WASL: variants seen among roughly 807,000 people sequenced by gnomAD.
WASL encodes the protein actin nucleation-promoting factor WASL.
In WASL, 20 loss-of-function variants were observed where a neutral mutation model predicts 55.5. That is an observed-to-expected ratio of 0.36 (90% CI 0.25 to 0.52). The LOEUF (loss-of-function observed/expected upper bound fraction) is 0.52, where lower values mean the gene tolerates loss of function less well. WASL is among the 20% of genes least tolerant of loss of function. The pLI, the probability that WASL is intolerant of heterozygous loss-of-function variation, is 0.92. For synonymous variants in WASL, 249 were observed against 217.6 expected, an observed-to-expected ratio of 1.14 and a Z score of -1.27; for missense variants, 504 against 622.5, an observed-to-expected ratio of 0.81 and a Z score of 2.03.
At chr7:123,735,357 A>C (rs1804207878) in intron 1 of WASL, among the ~76,000 whole-genome samples, 1 of 148,976 alleles carries the variant, frequency 6.7e-6, no homozygotes, top group African/African-American at 2.5e-5. Flanking sequence ...TCTGGCATTC[A>C]ATCAAAAGTT....
rs532047540 is a variant in WASL at position 123,748,636 on chromosome 7, G to C, written c.99C>G (p.Phe33Leu). The C allele has an allele frequency of 6.2e-7, 1 of 1,613,638 alleles. No homozygotes were observed. Among genetic ancestry groups the C allele is most frequent in the South Asian group, 1.1e-5 (1 of 91,054 alleles). Residue 33 changes from phenylalanine to leucine, a missense_variant, in exon 1 of 11, where the codon TTC becomes TTG. Around this residue, in one of 5 missense-constraint regions of WASL, gnomAD observed 230 missense variants for 271.9 expected, o/e 0.85. Coordinates refer to ENST00000223023, the MANE Select transcript of WASL (RefSeq NM_003941.4). ...CACTGACCACACATTTCTTGCCGAGGAAAGTGAAGAGGGACTCGTTCTCCT... is the reference window on the plus strand; with the variant it reads ...CACTGACCACACATTTCTTGCCGAGCAAAGTGAAGAGGGACTCGTTCTCCT... ...TPQENESLFT[F>L]LGKKCVTMSS...
At position 123,748,857 on chromosome 7, in the gene WASL, C is replaced by T. The variant is rs1314258066; in HGVS notation, c.-123G>A. On this transcript the variant is annotated 5_prime_UTR_variant, in exon 1 of 11. Coordinates refer to ENST00000223023, the MANE Select transcript of WASL (RefSeq NM_003941.4). The stretch of plus-strand genomic sequence containing the variant: ...GTCAGAGGCGCCACATCTCGCAGCT[C>T]CTCCGGAGCGGGGAGGAGGACGAGG... 2 of 773,616 alleles carry T rather than the reference C, an allele frequency of 2.6e-6. No homozygotes were observed. The highest frequency in any genetic ancestry group is 3.7e-5 in the African/African-American group (2 of 54,578). The allele number at this position is 773,616 out of a possible 1,614,324, so 47.9% of individuals were successfully genotyped here.
chr7:123,709,343 A>G (rs1465670474), intron 1 of WASL, 120 bp from the exon 2 acceptor site: 9 of 709,134 alleles, frequency 1.3e-5, no homozygotes, highest in Non-Finnish European at 1.9e-5. Context: ...TGATTCACAG[A>G]AACAAGGAAA....
At chr7:123,727,276 T>C (rs1304587030) in intron 1 of WASL, among the ~76,000 whole-genome samples, 2 of 151,932 alleles carry the variant, frequency 1.3e-5, no homozygotes, top group East Asian at 3.9e-4. Flanking sequence ...TGAAAGTTTC[T>C]TATAAAAATA....
chr7:123,691,465 T>C (rs1231074338), intron 9 of WASL, among the ~76,000 whole-genome samples: 2 of 152,200 alleles, frequency 1.3e-5, no homozygotes, highest in East Asian at 3.8e-4. Flanking sequence ...AAGAGTATTT[T>C]TGATATGTGA....
chr7:123,743,310 C>G (rs567087571), intron 1 of WASL, among the ~76,000 whole-genome samples: 22 of 144,956 alleles, frequency 1.5e-4, no homozygotes, highest in African/African-American at 5.2e-4. Context: ...GCACTCCCGC[C>G]TTGGCGACAA....
At chr7:123,742,735 T>A (rs976552495) in intron 1 of WASL, among the ~76,000 whole-genome samples, 3 of 152,226 alleles carry the variant, frequency 2.0e-5, no homozygotes, top group Admixed American at 2.0e-4. Flanking sequence ...TAATGCTTTT[T>A]TATTCTGTTC....
At chr7:123,698,405 C>T (rs1233169098) in intron 5 of WASL, among the ~76,000 whole-genome samples, 1 of 151,274 alleles carries the variant, frequency 6.6e-6, no homozygotes, top group Non-Finnish European at 1.5e-5. Context: ...CTATTTTCTC[C>T]CAACTCTACT....
chr7:123,748,507 G>C (rs1804481190), intron 1 of WASL, 111 bp downstream of exon 1: 5 of 1,133,072 alleles, frequency 4.4e-6, no homozygotes, highest in Middle Eastern at 2.6e-4. Flanking sequence ...GGGCTGGCGG[G>C]AGGCCTGGCC....
chr7:123,744,613 A>C (rs1036049344), intron 1 of WASL, among the ~76,000 whole-genome samples: 2 of 152,182 alleles, frequency 1.3e-5, no homozygotes, highest in Non-Finnish European at 2.9e-5. Flanking sequence ...TGGCAGGGAA[A>C]GATAATGCTC....
At position 123,692,587 on chromosome 7, in the gene WASL, C is replaced by T. The variant is rs753301742; in HGVS notation, c.1107G>A (p.Gly369=). 4 of 1,610,984 alleles carry T rather than the reference C, an allele frequency of 2.5e-6. No individual in the cohort carries two copies. Among genetic ancestry groups the T allele is most frequent in the Admixed American group, 1.7e-5 (1 of 59,480 alleles). Reference sequence around the variant, plus strand: ...GAGGCGGTGGGGGTGGTGCCACTGGCCCTACCCCCAACACAGATGGAGGTG... The same window carrying T: ...GAGGCGGTGGGGGTGGTGCCACTGGTCCTACCCCCAACACAGATGGAGGTG... The part of the protein sequence containing the change: ...PPPPPSVLGV[G]PVAPPPPPPP... The change falls in exon 9 of 11, where the codon GGG becomes GGA. Residue 369 remains glycine, a synonymous_variant. Transcript: ENST00000223023.
chr7:123,729,445 ATTT>A (rs1481264444), intron 1 of WASL, among the ~76,000 whole-genome samples: 1 of 152,284 alleles, frequency 6.6e-6, no homozygotes, highest in Admixed American at 6.5e-5. Flanking sequence ...AAGACACAGT[ATTT>A]TTTAAGTAAG....
At chr7:123,707,315 C>T (rs1754859065) in intron 2 of WASL, among the ~76,000 whole-genome samples, 1 of 152,140 alleles carries the variant, frequency 6.6e-6, no homozygotes, top group Non-Finnish European at 1.5e-5. Context: ...CTTCCTTGTA[C>T]TGCTAATTAA....
At chr7:123,747,993 T>C (rs1804465429) in intron 1 of WASL, among the ~76,000 whole-genome samples, 1 of 151,300 alleles carries the variant, frequency 6.6e-6, no homozygotes, top group African/African-American at 2.4e-5. Flanking sequence ...AAAAAAAAAA[T>C]CAGTGGGAAG....
intron 1 of WASL, among the ~76,000 whole-genome samples, chr7:123,711,268 T>TA (rs1803751271): frequency 6.6e-6 from 1 of 151,692 alleles, no homozygotes; most frequent in Non-Finnish European, 1.5e-5. Flanking sequence ...ATGTGAACTT[T>TA]AAAAAACAAA....
intron 1 of WASL, among the ~76,000 whole-genome samples, chr7:123,719,295 C>T (rs776562081): frequency 3.3e-5 from 5 of 152,190 alleles, no homozygotes; most frequent in Non-Finnish European, 5.9e-5. Context: ...ATGGGACTGT[C>T]TTAGAAGTCA....
intron 1 of WASL, among the ~76,000 whole-genome samples, chr7:123,732,548 GATTA>G (rs950847195): frequency 4.6e-5 from 7 of 152,148 alleles, no homozygotes; most frequent in South Asian, 2.1e-4. Context: ...TTAAAAATTG[GATTA>G]ATTATTAATA....
chr7:123,732,851 ATTT>A (rs1804163442), intron 1 of WASL, among the ~76,000 whole-genome samples: 1 of 152,216 alleles, frequency 6.6e-6, no homozygotes, highest in Non-Finnish European at 1.5e-5. Context: ...ACCAAGTGAA[ATTT>A]ATTCTAGGTA....
intron 2 of WASL, among the ~76,000 whole-genome samples, chr7:123,708,623 A>G (rs1803707718): frequency 1.3e-5 from 2 of 152,186 alleles, no homozygotes; most frequent in Admixed American, 6.5e-5. Flanking sequence ...GAGAAACAAT[A>G]TAAGGAAAAA....
Sources: gnomAD v4.1 joint callset for allele counts (sites outside exome capture counted in the v4.1 genomes callset) on GRCh38, gnomAD v4.1.1 for gene constraint, gnomAD v4.1.1 regional missense constraint, MANE v1.5 for transcripts, NCBI Gene and HGNC (gene_info 2026-07-23, HGNC 2026-07-21) for gene names.